The following TASP1 variants were observed in gnomAD, a reference collection of about 807,000 sequenced individuals.
TASP1 encodes the protein taspase 1.
A neutral mutation model predicts 56.6 loss-of-function variants in TASP1; 16 were observed. That is an observed-to-expected ratio of 0.28 (90% CI 0.19 to 0.43). The LOEUF is 0.43. TASP1 is among the 20% of genes least tolerant of loss of function. TASP1 has a pLI of 1.00. For synonymous variants in TASP1, 179 were observed against 184.2 expected (o/e 0.97, Z 0.23); for missense variants, 393 against 511.6 (o/e 0.77, Z 2.24).
chr20:13,260,831 T>C, the TASP1 span, among the ~76,000 whole-genome samples: 37 of 152,310 alleles, frequency 2.4e-4, no homozygotes, highest in African/African-American at 8.2e-4. Context: ...CAAGGATTTA[T>C]TATTTCTCAT....
At position 13,618,285 on chromosome 20, in the gene TASP1, C is replaced by T. The variant is rs1359561082; in HGVS notation, c.282+5161G>A. ...AAAATTAGCCAGGTGTGGTGGCGCA[C>T]GCCTGTAGTCCCAACTACTCAGGAG... On this transcript the variant is annotated intron_variant, in intron 4 of 13. Coordinates refer to ENST00000337743, the MANE Select transcript of TASP1 (RefSeq NM_017714.3). Among the ~76,000 whole-genome samples the T allele has an allele frequency of 2.2e-4, 33 of 152,096 alleles. 1 individual carries two copies. Among genetic ancestry groups the T allele is most frequent in the Admixed American group, 1.2e-3 (18 of 15,272 alleles).
the TASP1 span, among the ~76,000 whole-genome samples, chr20:13,338,920 C>T: frequency 6.6e-6 from 1 of 152,174 alleles, no homozygotes; most frequent in South Asian, 2.1e-4. Flanking sequence ...TACACACAAA[C>T]ACACATGCAC....
chr20:13,325,172 G>T, the TASP1 span, among the ~76,000 whole-genome samples: 837 of 152,284 alleles, frequency 5.5e-3, 9 homozygotes, highest in African/African-American at 0.018. Flanking sequence ...GGGGTGAGGT[G>T]GGGGGATGGC....
At chr20:13,501,185 C>T (rs750798916) in intron 10 of TASP1, among the ~76,000 whole-genome samples, 1 of 151,934 alleles carries the variant, frequency 6.6e-6, no homozygotes, top group Admixed American at 6.6e-5. Flanking sequence ...TGGGAAGACT[C>T]ATCATCAGGA....
the TASP1 span, among the ~76,000 whole-genome samples, chr20:13,216,776 C>T: frequency 6.6e-6 from 1 of 152,186 alleles, no homozygotes; most frequent in Non-Finnish European, 1.5e-5. Flanking sequence ...AGGGACTCTG[C>T]TCCAGAGACC....
the TASP1 span, among the ~76,000 whole-genome samples, chr20:13,150,598 C>T: frequency 6.6e-6 from 1 of 152,178 alleles, no homozygotes; most frequent in East Asian, 1.9e-4. Context: ...TTTGTTTTCT[C>T]CCTCTCTGGT....
chr20:13,593,610 G>T (rs528932240), intron 4 of TASP1, among the ~76,000 whole-genome samples: 2 of 152,326 alleles, frequency 1.3e-5, no homozygotes, highest in East Asian at 3.9e-4. Flanking sequence ...TAGCGCAGCA[G>T]TCTGAGATCA....
chr20:13,343,893 C>G, the TASP1 span, among the ~76,000 whole-genome samples: 2 of 108,594 alleles, frequency 1.8e-5, no homozygotes, highest in African/African-American at 8.1e-5. Flanking sequence ...GACTGGGCAG[C>G]CAGCCCAGTT....
chr20:13,218,518 A>G, the TASP1 span, among the ~76,000 whole-genome samples: 7 of 152,228 alleles, frequency 4.6e-5, no homozygotes, highest in African/African-American at 1.7e-4. Flanking sequence ...GAAAACAGAC[A>G]TGCAAACAGA....
At chr20:13,410,983 T>C (rs1446971747) in intron 13 of TASP1, among the ~76,000 whole-genome samples, 1 of 152,196 alleles carries the variant, frequency 6.6e-6, no homozygotes, top group Non-Finnish European at 1.5e-5. Flanking sequence ...AAGATTTTAA[T>C]CAATCTTGAA....
At chr20:13,356,811 A>G in the TASP1 span, among the ~76,000 whole-genome samples, 2 of 152,146 alleles carry the variant, frequency 1.3e-5, no homozygotes, top group African/African-American at 2.4e-5. Context: ...CAATACCACC[A>G]AGAGTCTGTC....
At chr20:13,444,821 G>C (rs2043344720) in intron 11 of TASP1, among the ~76,000 whole-genome samples, 2 of 152,130 alleles carry the variant, frequency 1.3e-5, no homozygotes, top group African/African-American at 2.4e-5. Flanking sequence ...AGAAACACAA[G>C]GAAGAAGTGG....
At chr20:13,267,842 T>C in the TASP1 span, among the ~76,000 whole-genome samples, 3 of 152,188 alleles carry the variant, frequency 2.0e-5, no homozygotes, top group African/African-American at 7.2e-5. Context: ...TATACCTCCA[T>C]TGTGGCTATG....
the TASP1 span, chr20:13,160,065 C>T: frequency 3.1e-6 from 5 of 1,613,812 alleles, no homozygotes; most frequent in Admixed American, 6.7e-5. Flanking sequence ...TTTCCAGCCA[C>T]TCCCCTCGCA....
At chr20:13,243,224 A>C in the TASP1 span, among the ~76,000 whole-genome samples, 1 of 152,202 alleles carries the variant, frequency 6.6e-6, no homozygotes. Flanking sequence ...CATGGGCACA[A>C]CATTTAACAT....
chr20:13,608,712 C>T (rs1412077018), intron 4 of TASP1, among the ~76,000 whole-genome samples: 1 of 152,216 alleles, frequency 6.6e-6, no homozygotes, highest in East Asian at 1.9e-4. Context: ...AGTTTGCAGG[C>T]CATTCAAAAC....
intron 11 of TASP1, among the ~76,000 whole-genome samples, chr20:13,482,770 T>C (rs1380593336): frequency 1.3e-5 from 2 of 152,198 alleles, no homozygotes; most frequent in East Asian, 1.9e-4. Context: ...TAAAACAGCA[T>C]TCAACAACAG....
the TASP1 span, among the ~76,000 whole-genome samples, chr20:13,135,903 C>G: frequency 2.0e-5 from 3 of 152,156 alleles, no homozygotes; most frequent in African/African-American, 7.2e-5. Flanking sequence ...ATCACAAAAC[C>G]ACATTTTGTA....
At chr20:13,206,841 G>C in the TASP1 span, among the ~76,000 whole-genome samples, 1 of 152,156 alleles carries the variant, frequency 6.6e-6, no homozygotes, top group Non-Finnish European at 1.5e-5. Flanking sequence ...TGTGTGCCCA[G>C]GGTAAGAACA....
Sources: allele counts gnomAD v4.1 joint callset (sites outside exome capture counted in the v4.1 genomes callset), GRCh38; gene constraint gnomAD v4.1.1; transcripts MANE v1.5; gene names NCBI Gene and HGNC (gene_info 2026-07-23, HGNC 2026-07-21).